The following CDH12 variants were observed in gnomAD, a reference collection of about 807,000 sequenced individuals.
CDH12 encodes the protein cadherin 12.
Under a neutral mutation model 74.1 loss-of-function variants are expected in CDH12, and 41 were observed. The ratio of observed to expected loss-of-function variants is 0.55; its 90% CI spans 0.43 to 0.72. The LOEUF is 0.72. Ranked by LOEUF, CDH12 falls within the 30% of genes least tolerant of loss-of-function variation. The pLI, the probability that CDH12 is intolerant of heterozygous loss-of-function variation, is 0.00. For missense variants in CDH12, 945 were observed against 977.2 expected, an observed-to-expected ratio of 0.97 and a Z score of 0.44; for synonymous variants, 399 against 355.0, an observed-to-expected ratio of 1.12 and a Z score of -1.39.
At chr5:22,620,267 T>C (rs1007878630) in intron 1 of CDH12, among the ~76,000 whole-genome samples, 10 of 152,088 alleles carry the variant, frequency 6.6e-5, no homozygotes, top group African/African-American at 2.4e-4. Context: ...GAAATGACTC[T>C]TAAATGTATG....
intron 1 of CDH12, among the ~76,000 whole-genome samples, chr5:22,631,709 A>G (rs143000217): frequency 0.015 from 2,332 of 152,288 alleles, 101 homozygotes; most frequent in Admixed American, 0.088. Flanking sequence ...TATAGGAAGC[A>G]TGATTCTGGC....
intron 3 of CDH12, among the ~76,000 whole-genome samples, chr5:22,400,221 G>T (rs1742669431): frequency 6.6e-6 from 1 of 151,970 alleles, no homozygotes; most frequent in African/African-American, 2.4e-5. Context: ...TTTTGTCATT[G>T]GATGTTGTTT....
At chr5:22,409,370 A>T (rs1743084821) in intron 2 of CDH12, among the ~76,000 whole-genome samples, 1 of 152,088 alleles carries the variant, frequency 6.6e-6, no homozygotes, top group Non-Finnish European at 1.5e-5. Flanking sequence ...TCTATAAATT[A>T]AAAATATAAT....
At chr5:22,695,727 T>G (rs1742324860) in intron 1 of CDH12, among the ~76,000 whole-genome samples, 1 of 152,170 alleles carries the variant, frequency 6.6e-6, no homozygotes, top group Admixed American at 6.5e-5. Context: ...AATTTAGAGA[T>G]TAAATCTTGG....
chr5:21,844,999 GTAGATAGATAGA>G (rs60865016), intron 7 of CDH12, among the ~76,000 whole-genome samples: 7,442 of 149,690 alleles, frequency 0.05, 226 homozygotes, highest in Middle Eastern at 0.093. Flanking sequence ...ACTGAGGTAG[GTAGATAGATAGA>G]TAGATAGATA....
intron 3 of CDH12, among the ~76,000 whole-genome samples, chr5:22,314,238 A>G (rs773017908): frequency 6.6e-5 from 10 of 152,184 alleles, no homozygotes; most frequent in African/African-American, 1.9e-4. Context: ...TTTAAAAACC[A>G]TGATGTTTAG....
intron 1 of CDH12, among the ~76,000 whole-genome samples, chr5:22,791,901 T>G (rs928214471): frequency 6.6e-6 from 1 of 152,070 alleles, no homozygotes; most frequent in Non-Finnish European, 1.5e-5. Context: ...GGATTACAAT[T>G]CAAGATGAGA....
chr5:22,606,321 A>G (rs1737112714), intron 1 of CDH12, among the ~76,000 whole-genome samples: 1 of 152,176 alleles, frequency 6.6e-6, no homozygotes. Flanking sequence ...GTGCCATCTC[A>G]TGGGTGTCAC....
Position 22,621,428 on chromosome 5 carries a change from A to G in CDH12, c.-522-116064T>C, listed in dbSNP as rs544528013. Among the ~76,000 whole-genome samples, 3 of 152,300 alleles carry G rather than the reference A, an allele frequency of 2.0e-5. No individual in the cohort carries two copies. The South Asian group carries it at 6.2e-4, about 32-fold the overall frequency. ...AGACTTATAAATGCCTTATACTAGA[A>G]GGTAAAAAAGCCTCAAAGTTAGTGA... On this transcript the variant is annotated intron_variant, in intron 1 of 14. Transcript: ENST00000382254.
At chr5:22,540,352 A>G (rs1021292086) in intron 1 of CDH12, among the ~76,000 whole-genome samples, 22 of 152,200 alleles carry the variant, frequency 1.4e-4, no homozygotes, top group African/African-American at 4.1e-4. Context: ...ATTCCAAATA[A>G]GCCATTTTAA....
intron 5 of CDH12, among the ~76,000 whole-genome samples, chr5:22,031,710 G>A (rs1465984844): frequency 1.3e-5 from 2 of 152,162 alleles, no homozygotes; most frequent in African/African-American, 4.8e-5. Flanking sequence ...TACGGAACCA[G>A]AGGAGAAGGA....
chr5:22,790,402 A>G lies in CDH12; in HGVS notation c.-523+62656T>C, dbSNP rs1747847673. ...TCTCACAATTCTCAAAGGGTCTTGT[A>G]TTTGCCAGACTATAAATAGATTAGC... On this transcript the variant is annotated intron_variant, in intron 1 of 14. Transcript: ENST00000382254. Among the ~76,000 whole-genome samples, 3 of 152,114 alleles carry G rather than the reference A, an allele frequency of 2.0e-5. 1 individual carries two copies. Among genetic ancestry groups the G allele is most frequent in the South Asian group, 4.1e-4 (2 of 4,830 alleles).
chr5:22,632,592 A>C (rs1580835409), intron 1 of CDH12, among the ~76,000 whole-genome samples: 1 of 152,188 alleles, frequency 6.6e-6, no homozygotes, highest in Admixed American at 6.5e-5. Flanking sequence ...ATCCATGAAC[A>C]TGAAGATAGG....
At chr5:22,568,612 A>G (rs1739400534) in intron 1 of CDH12, among the ~76,000 whole-genome samples, 1 of 152,220 alleles carries the variant, frequency 6.6e-6, no homozygotes. Context: ...ATAGATTTTA[A>G]AAAATGAATA....
intron 1 of CDH12, among the ~76,000 whole-genome samples, chr5:22,624,909 C>T (rs1241944228): frequency 6.6e-6 from 1 of 152,100 alleles, no homozygotes; most frequent in East Asian, 1.9e-4. Context: ...TGGAACCAAC[C>T]CAAATGTCCA....
In CDH12 at chr5:22,306,426, T is replaced by C. The variant is rs571984996; in HGVS notation, c.-332-93783A>G. On this transcript the variant is annotated intron_variant, in intron 3 of 14. Transcript: ENST00000382254. ...TACAGAGACAGAGATAGAACTAAGA[T>C]ATGGACAGATACACAATCAGCTAGT... 1.4e-4 allele frequency among the ~76,000 whole-genome samples: 22 copies of C among 152,062 alleles called. No homozygotes were observed. In the South Asian group the frequency reaches 4.6e-3, roughly 32 times the overall value.
At chr5:21,967,741 C>A (rs1340973776) in intron 6 of CDH12, among the ~76,000 whole-genome samples, 1 of 152,130 alleles carries the variant, frequency 6.6e-6, no homozygotes, top group African/African-American at 2.4e-5. Context: ...AATTGCACCA[C>A]TAATAAAAAC....
At chr5:22,584,792 TA>T (rs901835912) in intron 1 of CDH12, among the ~76,000 whole-genome samples, 5 of 152,166 alleles carry the variant, frequency 3.3e-5, no homozygotes, top group African/African-American at 1.2e-4. Flanking sequence ...AGCCTAAAAA[TA>T]AAATACATAT....
intron 8 of CDH12, among the ~76,000 whole-genome samples, chr5:21,841,654 C>T (rs373272818): frequency 1.3e-5 from 2 of 151,492 alleles, no homozygotes; most frequent in South Asian, 4.2e-4. Context: ...GTGGCACATA[C>T]ACACCATGGA....
Sources: allele counts gnomAD v4.1 joint callset (sites outside exome capture counted in the v4.1 genomes callset), GRCh38; gene constraint gnomAD v4.1.1; transcripts MANE v1.5; gene names NCBI Gene and HGNC (gene_info 2026-07-23, HGNC 2026-07-21).